Variants in IMMP2L observed in about 807,000 individuals in gnomAD.
The protein encoded by IMMP2L is mitochondrial inner membrane protease subunit 2.
Under a neutral mutation model 19.3 loss-of-function variants are expected in IMMP2L, and 18 were observed. The ratio of observed to expected loss-of-function variants is 0.93; its 90% CI spans 0.64 to 1.38. The LOEUF (loss-of-function observed/expected upper bound fraction) is 1.38, where lower values mean the gene tolerates loss of function less well. Among genes scored for constraint, IMMP2L ranks in the 40% most tolerant of loss-of-function variants. The pLI is 0.00. For synonymous variants in IMMP2L, 76 were observed against 73.0 expected (o/e 1.04, Z -0.21); for missense variants, 233 against 218.2 (o/e 1.07, Z -0.43).
Position 111,185,389 on chromosome 7 carries a change from A to G in IMMP2L, c.240-221824T>C, listed in dbSNP as rs144774346. On this transcript the variant is annotated intron_variant, in intron 3 of 5. Coordinates refer to ENST00000405709, the MANE Select transcript of IMMP2L (RefSeq NM_032549.4). ...ACTCATAGGCCTTTTCCTTCTTACT[A>G]TGTCTGAATATGTTCATTGCATTTA... is the stretch of plus-strand genomic sequence containing the variant. 2.6e-4 allele frequency among the ~76,000 whole-genome samples: 39 copies of G among 152,212 alleles called. No individual in the cohort carries two copies. In the East Asian group the frequency reaches 6.6e-3, roughly 26 times the overall value.
intron 5 of IMMP2L, among the ~76,000 whole-genome samples, chr7:110,735,846 CAAAAAAAAAA>C (rs59078426): frequency 1.3e-4 from 6 of 47,630 alleles, no homozygotes; most frequent in East Asian, 8.8e-4. Flanking sequence ...CACTCTGCCT[CAAAAAAAAAA>C]AAAAAAAAAA....
At chr7:111,402,991 A>ACCCCCCCCCCCCCCCCCCCCCC (rs781654530) in intron 3 of IMMP2L, among the ~76,000 whole-genome samples, 11 of 45,502 alleles carry the variant, frequency 2.4e-4, no homozygotes, top group African/African-American at 3.3e-4. Flanking sequence ...TGCAGCCTTG[A>ACCCCCCCCCCCCCCCCCCCCCC]CCCCCCCCCC....
chr7:111,180,308 T>C (rs996075803), intron 3 of IMMP2L, among the ~76,000 whole-genome samples: 4 of 151,972 alleles, frequency 2.6e-5, no homozygotes, highest in Non-Finnish European at 5.9e-5. Context: ...TTAGAGGCCA[T>C]TGTAGGGTCA....
chr7:111,034,682 T>C (rs1353982204), intron 3 of IMMP2L, among the ~76,000 whole-genome samples: 2 of 152,252 alleles, frequency 1.3e-5, no homozygotes, highest in African/African-American at 2.4e-5. Flanking sequence ...TTGTATTTTA[T>C]GTCTAATAAT....
chr7:110,913,637 T>C (rs575781086), intron 4 of IMMP2L, among the ~76,000 whole-genome samples: 29 of 152,288 alleles, frequency 1.9e-4, no homozygotes, highest in African/African-American at 7.0e-4. Flanking sequence ...TTTCTCAACA[T>C]AAGCTCCATC....
intron 3 of IMMP2L, among the ~76,000 whole-genome samples, chr7:111,338,112 G>C (rs1359140081): frequency 6.6e-6 from 1 of 152,108 alleles, no homozygotes; most frequent in Non-Finnish European, 1.5e-5. Flanking sequence ...GCACTTCATG[G>C]AGGAGGCAGG....
chr7:111,549,523 A>C (rs1160935059), intron 1 of IMMP2L, among the ~76,000 whole-genome samples: 1 of 152,214 alleles, frequency 6.6e-6, no homozygotes, highest in East Asian at 1.9e-4. Flanking sequence ...TAGAAGTTTT[A>C]ACTGAATGTT....
chr7:110,986,253 T>G (rs184483495), intron 3 of IMMP2L, among the ~76,000 whole-genome samples: 1 of 152,162 alleles, frequency 6.6e-6, no homozygotes, highest in East Asian at 1.9e-4. Context: ...TTACACTTGG[T>G]TAGGCAAAGT....
At chr7:111,086,436 T>C (rs1209413945) in intron 3 of IMMP2L, among the ~76,000 whole-genome samples, 1 of 129,960 alleles carries the variant, frequency 7.7e-6, no homozygotes, top group Non-Finnish European at 1.6e-5. Flanking sequence ...GAGCAAAAAC[T>C]GTCTCAAAAA....
intron 3 of IMMP2L, among the ~76,000 whole-genome samples, chr7:111,061,230 T>G (rs1016008911): frequency 2.0e-5 from 3 of 152,146 alleles, no homozygotes; most frequent in South Asian, 2.1e-4. Context: ...AGACTGAAGA[T>G]AAGTGGGCAC....
intron 3 of IMMP2L, among the ~76,000 whole-genome samples, chr7:111,380,653 C>T (rs142543931): frequency 1.7e-4 from 26 of 152,036 alleles, no homozygotes; most frequent in African/African-American, 6.0e-4. Context: ...TTTCCTGGAC[C>T]AATTTAGCTT....
At chr7:110,994,270 C>G in intron 3 of IMMP2L, among the ~76,000 whole-genome samples, 1 of 152,072 alleles carries the variant, frequency 6.6e-6, no homozygotes, top group South Asian at 2.1e-4. Flanking sequence ...ACTTGGCCTA[C>G]TCTGAACTGT....
chr7:111,133,438 G>A (rs1405957433), intron 3 of IMMP2L, among the ~76,000 whole-genome samples: 1 of 151,908 alleles, frequency 6.6e-6, no homozygotes, highest in Non-Finnish European at 1.5e-5. Context: ...ATTAGGGATG[G>A]CATGAAGATA....
chr7:111,286,332 T>C (rs1820477602), intron 3 of IMMP2L, among the ~76,000 whole-genome samples: 1 of 152,106 alleles, frequency 6.6e-6, no homozygotes, highest in African/African-American at 2.4e-5. Context: ...ACAAAGACTA[T>C]GTAATATATG....
chr7:111,557,178 G>A (rs10239861), intron 1 of IMMP2L, among the ~76,000 whole-genome samples: 148,589 of 152,106 alleles, frequency 0.98, 72,677 homozygotes, highest in East Asian at 1. Flanking sequence ...TATCCCTACT[G>A]ATGTACTGTC....
chr7:110,862,907 T>G (rs1807595786), intron 5 of IMMP2L, among the ~76,000 whole-genome samples: 1 of 151,936 alleles, frequency 6.6e-6, no homozygotes, highest in African/African-American at 2.4e-5. Context: ...GCTGGCCCAC[T>G]TACCTCCTCA....
rs1487103234 is a variant in IMMP2L at position 111,202,485 on chromosome 7, G to A, written c.240-238920C>T. Reference sequence around the variant, plus strand: ...CTGATCTACTCCAAATAAACCCAACGGGGCAAAGATGAGTGTCCTCACAGT... The same window carrying A: ...CTGATCTACTCCAAATAAACCCAACAGGGCAAAGATGAGTGTCCTCACAGT... On this transcript the variant is annotated intron_variant, in intron 3 of 5. Coordinates refer to ENST00000405709, the MANE Select transcript of IMMP2L (RefSeq NM_032549.4). Among the ~76,000 whole-genome samples, 10 of 152,192 alleles carry A rather than the reference G, an allele frequency of 6.6e-5. No homozygotes were observed. The South Asian group carries it at 8.3e-4, about 13-fold the overall frequency.
intron 3 of IMMP2L, among the ~76,000 whole-genome samples, chr7:111,314,983 A>G (rs186770853): frequency 1.1e-3 from 173 of 152,296 alleles, no homozygotes; most frequent in Non-Finnish European, 3.5e-4. Context: ...TAGGAGAACT[A>G]GAAGTTAACC....
At position 111,539,175 on chromosome 7, in the gene IMMP2L, G is replaced by T. The variant is rs867177447; in HGVS notation, c.-2-17726C>A. 9.2e-5 allele frequency among the ~76,000 whole-genome samples: 6 copies of T among 65,232 alleles called. 1 individual carries two copies. In the South Asian group the frequency reaches 3.3e-3, roughly 36 times the overall value. 42.8% of individuals were successfully genotyped at this position (65,232 alleles called of 152,430 possible). A position where few individuals can be genotyped will look rare whatever the true frequency, so the allele number is the denominator to read the frequency against. ...AGGAAGGAAGGAAGGAAGGAAGGAA[G>T]GAAGGAAGGAAGGAAGGAGGGAGAA... On this transcript the variant is annotated intron_variant, in intron 1 of 5. Coordinates refer to ENST00000405709, the MANE Select transcript of IMMP2L (RefSeq NM_032549.4).
Sources: gnomAD v4.1 joint callset for allele counts (sites outside exome capture counted in the v4.1 genomes callset) on GRCh38, gnomAD v4.1.1 for gene constraint, MANE v1.5 for transcripts, NCBI Gene and HGNC (gene_info 2026-07-23, HGNC 2026-07-21) for gene names.